The following EPB41L5 variants were observed in gnomAD, a reference collection of about 807,000 sequenced individuals.
EPB41L5 encodes erythrocyte membrane protein band 4.1 like 5.
A neutral mutation model predicts 106.6 loss-of-function variants in EPB41L5; 55 were observed. The ratio of observed to expected loss-of-function variants is 0.52; its 90% CI spans 0.42 to 0.65. The LOEUF is 0.65. EPB41L5 is among the 30% of genes least tolerant of loss of function. EPB41L5 has a pLI of 0.00. For synonymous variants in EPB41L5, 297 were observed against 306.7 expected, an observed-to-expected ratio of 0.97 and a Z score of 0.33; for missense variants, 871 against 882.1, an observed-to-expected ratio of 0.99 and a Z score of 0.16.
chr2:120,170,252 A>AACTT (rs2105569538), intron 24 of EPB41L5, among the ~76,000 whole-genome samples: 1 of 152,386 alleles, frequency 6.6e-6, no homozygotes, highest in African/African-American at 2.4e-5. Flanking sequence ...TCTGTGCAAC[A>AACTT]ACTTACCACA....
intron 2 of EPB41L5, among the ~76,000 whole-genome samples, chr2:120,020,911 T>C (rs912229815): frequency 6.0e-4 from 92 of 152,292 alleles, no homozygotes; most frequent in African/African-American, 1.9e-3. Flanking sequence ...TAGTTACTGA[T>C]CTGGAATGGT....
At chr2:120,131,110 T>C (rs1414452279) in intron 17 of EPB41L5, among the ~76,000 whole-genome samples, 1 of 152,224 alleles carries the variant, frequency 6.6e-6, no homozygotes, top group Non-Finnish European at 1.5e-5. Context: ...ATGCTTGTCT[T>C]GCGTCACACC....
intron 2 of EPB41L5, among the ~76,000 whole-genome samples, chr2:120,021,410 C>T (rs1259534598): frequency 3.3e-5 from 5 of 151,728 alleles, no homozygotes; most frequent in African/African-American, 7.3e-5. Flanking sequence ...TTTGGGAGGC[C>T]GAGGTGGGCG....
At chr2:120,071,884 C>T (rs1681894079) in intron 3 of EPB41L5, among the ~76,000 whole-genome samples, 1 of 152,218 alleles carries the variant, frequency 6.6e-6, no homozygotes, top group African/African-American at 2.4e-5. Context: ...AAACTTCAAA[C>T]TAAAACACCA....
In EPB41L5 at chr2:120,073,240, T is replaced by C. The variant is rs772495106; in HGVS notation, c.328+20T>C. On this transcript the variant is annotated intron_variant, in intron 4 of 24. Transcript: ENST00000263713. The stretch of plus-strand genomic sequence containing the variant: ...TAAAAAGTAAGTGCAGACAAAATTA[T>C]TTGTGGGGGGGAAAGGAAATAGAAT... 14 of 1,570,108 alleles carry C rather than the reference T, an allele frequency of 8.9e-6. No individual in the cohort carries two copies. The highest frequency in any genetic ancestry group is 7.2e-5 in the Admixed American group (4 of 55,560).
intron 13 of EPB41L5, among the ~76,000 whole-genome samples, chr2:120,092,613 A>G (rs1683493214): frequency 6.6e-6 from 1 of 152,234 alleles, no homozygotes; most frequent in Non-Finnish European, 1.5e-5. Context: ...CAGAGTCATC[A>G]CCAGTTGTCC....
chr2:120,134,934 AC>A (rs1336761109), intron 18 of EPB41L5, among the ~76,000 whole-genome samples: 1 of 152,116 alleles, frequency 6.6e-6, no homozygotes, highest in Non-Finnish European at 1.5e-5. Context: ...GGAAAACATG[AC>A]CTCACCAAAC....
chr2:120,121,669 A>G (rs1407564878), intron 16 of EPB41L5, among the ~76,000 whole-genome samples: 1 of 152,162 alleles, frequency 6.6e-6, no homozygotes, highest in Non-Finnish European at 1.5e-5. Flanking sequence ...ATATGTCTTT[A>G]TAGTAGCATG....
chr2:120,066,716 G>A (rs1681467447), intron 3 of EPB41L5, among the ~76,000 whole-genome samples: 1 of 152,214 alleles, frequency 6.6e-6, no homozygotes, highest in African/African-American at 2.4e-5. Flanking sequence ...GTGGATGAGA[G>A]GCTACATGAA....
chr2:120,084,804 C>T (rs757226297), intron 10 of EPB41L5, among the ~76,000 whole-genome samples: 3 of 152,194 alleles, frequency 2.0e-5, no homozygotes, highest in Non-Finnish European at 2.9e-5. Flanking sequence ...TCCCATATTT[C>T]TTGGAGGCTT....
intron 16 of EPB41L5, among the ~76,000 whole-genome samples, chr2:120,113,685 G>T (rs532167725): frequency 6.6e-6 from 1 of 152,196 alleles, no homozygotes; most frequent in East Asian, 1.9e-4. Context: ...CTTCCTACTA[G>T]CCCCTGGCAA....
rs779731729 is a variant in EPB41L5, at chr2:120,019,065, C to CTT, written c.-8-11_-8-10insTT. On this transcript the variant is annotated splice_polypyrimidine_tract_variant and intron_variant, in intron 1 of 24. Coordinates refer to ENST00000263713, the MANE Select transcript of EPB41L5 (RefSeq NM_020909.4). ...TTTTCCTGATGCCATCTTTTTCTCTCTGTTTTTATAGTGACAAAAATGCTG... is the reference window on the plus strand; with the variant it reads ...TTTTCCTGATGCCATCTTTTTCTCTCTTTGTTTTTATAGTGACAAAAATGCTG... 6.4e-7 allele frequency: 1 copy of CTT among 1,573,808 alleles called. No individual in the cohort carries two copies. Among genetic ancestry groups the CTT allele is most frequent in the African/African-American group, 1.4e-5 (1 of 72,522 alleles).
intron 16 of EPB41L5, among the ~76,000 whole-genome samples, chr2:120,101,264 A>T (rs1051328754): frequency 6.6e-6 from 1 of 152,212 alleles, no homozygotes; most frequent in African/African-American, 2.4e-5. Flanking sequence ...GCAAAACATG[A>T]TTAAAATCTG....
At chr2:120,050,358 C>T (rs1035049029) in intron 3 of EPB41L5, among the ~76,000 whole-genome samples, 2 of 152,124 alleles carry the variant, frequency 1.3e-5, no homozygotes, top group Admixed American at 6.5e-5. Context: ...AGGCTTTATT[C>T]ATTTCTTTTT....
intron 7 of EPB41L5, among the ~76,000 whole-genome samples, chr2:120,076,109 A>G (rs956858908): frequency 2.0e-5 from 3 of 152,170 alleles, no homozygotes; most frequent in African/African-American, 7.2e-5. Flanking sequence ...CTCCAAACCT[A>G]CATTTTGTTC....
intron 21 of EPB41L5, among the ~76,000 whole-genome samples, chr2:120,161,672 C>G (rs1351558875): frequency 2.0e-5 from 3 of 152,138 alleles, no homozygotes; most frequent in Non-Finnish European, 2.9e-5. Context: ...TGCTTCGGAC[C>G]GGTACTGGTC....
intron 3 of EPB41L5, among the ~76,000 whole-genome samples, chr2:120,055,102 A>G (rs190483431): frequency 3.3e-5 from 5 of 152,198 alleles, no homozygotes; most frequent in Admixed American, 6.5e-5. Context: ...ACCTCAGGCA[A>G]TCCGCCTGCC....
intron 14 of EPB41L5, among the ~76,000 whole-genome samples, chr2:120,097,933 T>A (rs1310185008): frequency 1.3e-5 from 2 of 152,220 alleles, no homozygotes; most frequent in Non-Finnish European, 1.5e-5. Flanking sequence ...ATTGATCACC[T>A]ACTAAAGTTA....
chr2:120,122,261 T>G (rs1266439721), intron 16 of EPB41L5, among the ~76,000 whole-genome samples: 1 of 152,152 alleles, frequency 6.6e-6, no homozygotes, highest in Non-Finnish European at 1.5e-5. Context: ...ATGCCTATAT[T>G]CTGAATGGTA....
Sources: gnomAD v4.1 joint callset for allele counts (sites outside exome capture counted in the v4.1 genomes callset) on GRCh38, gnomAD v4.1.1 for gene constraint, MANE v1.5 for transcripts, NCBI Gene and HGNC (gene_info 2026-07-23, HGNC 2026-07-21) for gene names.